The following NSD1 variants were observed in gnomAD, a reference collection of about 807,000 sequenced individuals.
The protein encoded by NSD1 is histone-lysine N-methyltransferase, H3 lysine-36 specific.
A neutral mutation model predicts 242.7 loss-of-function variants in NSD1; 26 were observed. The observed-to-expected ratio is 0.11, with a 90% CI of 0.08 to 0.15. The LOEUF is 0.15. Among genes scored for constraint, NSD1 ranks in the 10% least tolerant of loss-of-function variants. The pLI, the probability that NSD1 is intolerant of heterozygous loss-of-function variation, is 1.00. For synonymous variants in NSD1, 1,106 were observed against 1,178.1 expected, an observed-to-expected ratio of 0.94 and a Z score of 1.25; for missense variants, 2,495 against 3,272.8, an observed-to-expected ratio of 0.76 and a Z score of 5.80.
chr5:177,253,661 C>T (rs1439782069), intron 12 of NSD1, among the ~76,000 whole-genome samples: 1 of 151,552 alleles, frequency 6.6e-6, no homozygotes, highest in Non-Finnish European at 1.5e-5. Context: ...GAGACAGGGT[C>T]TCTCTCTGTC....
chr5:177,160,635 G>T (rs1308924796), intron 2 of NSD1, among the ~76,000 whole-genome samples: 1 of 152,046 alleles, frequency 6.6e-6, no homozygotes, highest in East Asian at 1.9e-4. Flanking sequence ...AATTAAAAGA[G>T]AGTTTATCAA....
intron 2 of NSD1, among the ~76,000 whole-genome samples, chr5:177,144,626 A>G (rs1239821599): frequency 6.6e-6 from 1 of 152,034 alleles, no homozygotes; most frequent in Non-Finnish European, 1.5e-5. Flanking sequence ...GAAATGTTTA[A>G]TTTATTCTTC....
intron 2 of NSD1, among the ~76,000 whole-genome samples, chr5:177,178,457 C>A (rs1009582965): frequency 1.3e-5 from 2 of 152,152 alleles, no homozygotes; most frequent in Non-Finnish European, 2.9e-5. Context: ...AACTCCCGAC[C>A]TTAGGTGATC....
rs535590731 is a variant in NSD1, at chr5:177,154,725, T to C, written c.927+18695T>C. Among the ~76,000 whole-genome samples the C allele has an allele frequency of 7.2e-5, 11 of 152,208 alleles. No homozygotes were observed. In the South Asian group the frequency reaches 2.3e-3, roughly 32 times the overall value. Reference sequence around the variant, plus strand: ...TTATTATTATTTTTGAGACAGAGTCTCCCTCTGTCGCCCCAGCTGGAATGC... The same window carrying C: ...TTATTATTATTTTTGAGACAGAGTCCCCCTCTGTCGCCCCAGCTGGAATGC... On this transcript the variant is annotated intron_variant, in intron 2 of 22. Coordinates refer to ENST00000439151, the MANE Select transcript of NSD1 (RefSeq NM_022455.5).
intron 4 of NSD1, among the ~76,000 whole-genome samples, chr5:177,205,105 T>A (rs1298624072): frequency 6.6e-6 from 1 of 152,188 alleles, no homozygotes; most frequent in Non-Finnish European, 1.5e-5. Context: ...GGCACACTCT[T>A]GGCTCACTGC....
At chr5:177,243,199 T>C (rs1243919070) in intron 8 of NSD1, among the ~76,000 whole-genome samples, 2 of 152,138 alleles carry the variant, frequency 1.3e-5, no homozygotes, top group Non-Finnish European at 2.9e-5. Context: ...TCTTTCTTTC[T>C]TTTTTTGAGA....
chr5:177,205,537 TATATA>T (rs1430325595), intron 4 of NSD1, among the ~76,000 whole-genome samples: 2 of 151,648 alleles, frequency 1.3e-5, no homozygotes, highest in East Asian at 3.9e-4. Flanking sequence ...TGTTAAAATA[TATATA>T]ATATAAAAAT....
At chr5:177,193,843 C>T (rs748925940) in intron 3 of NSD1, among the ~76,000 whole-genome samples, 25 of 152,062 alleles carry the variant, frequency 1.6e-4, no homozygotes, top group Non-Finnish European at 3.2e-4. Flanking sequence ...GGCGCAATTT[C>T]GGCTCACTGC....
chr5:177,210,243 G>A lies in NSD1; in HGVS notation c.1844G>A (p.Cys615Tyr). 6.3e-7 allele frequency: 1 copy of A among 1,598,428 alleles called. No individual in the cohort carries two copies. Among genetic ancestry groups the A allele is most frequent in the Non-Finnish European group, 8.5e-7 (1 of 1,172,554 alleles). The change falls in exon 5 of 23, where the codon TGT becomes TAT. Residue 615 changes from cysteine (C) to tyrosine (Y), a missense_variant. Transcript: ENST00000439151. ...EKNKPQRSLV[C>Y]GSKVKLCYIG... ...AATAAACCCCAACGAAGCCTGGTGT[G>A]TGGTTCAAAAGTGAAGCTCTGCTAT... is the stretch of plus-strand genomic sequence containing the variant.
At position 177,299,477 on chromosome 5, in the gene NSD1, G is replaced by T. The variant is rs1254108510; in HGVS notation, c.*4018G>T. 4.3e-6 allele frequency: 1 copy of T among 233,182 alleles called. No individual in the cohort carries two copies. The highest frequency in any genetic ancestry group is 8.5e-6 in the Non-Finnish European group (1 of 118,074). The allele number at this position is 233,182 out of a possible 1,614,324, so 14.4% of individuals were successfully genotyped here. ...ATAGCCTCCGTCCACGCTGCCTGGA[G>T]CAGGTTGTTAGAGAGCTCTGGTTGT... On this transcript the variant is annotated 3_prime_UTR_variant, in exon 23 of 23. Transcript: ENST00000439151.
In NSD1 at chr5:177,297,303, C is replaced by T. The variant is rs548191038; in HGVS notation, c.*1844C>T. 1.7e-5 allele frequency: 4 copies of T among 231,484 alleles called. No homozygotes were observed. The allele number at this position is 231,484 out of a possible 1,614,324, so 14.3% of individuals were successfully genotyped here. ...TTCCCACATCATCAAAGAGGAAAAG[C>T]TCTTTGTTCAAAAGGAAGAGAAAAC... On this transcript the variant is annotated 3_prime_UTR_variant, in exon 23 of 23. Transcript: ENST00000439151.
chr5:177,231,681 A>G (rs1212704784), intron 5 of NSD1, among the ~76,000 whole-genome samples: 1 of 151,742 alleles, frequency 6.6e-6, no homozygotes, highest in East Asian at 1.9e-4. Context: ...TGGCCTCCCA[A>G]AGTGCTGGGA....
intron 4 of NSD1, among the ~76,000 whole-genome samples, chr5:177,206,299 C>G (rs1351035842): frequency 1.3e-5 from 2 of 151,926 alleles, no homozygotes; most frequent in Non-Finnish European, 2.9e-5. Context: ...TGTGCCCAGC[C>G]CCAATTTTTA....
Position 177,210,076 on chromosome 5 carries a change from A to T in NSD1, c.1677A>T (p.Thr559=). 6.2e-7 allele frequency: 1 copy of T among 1,613,910 alleles called. No individual in the cohort carries two copies. The highest frequency in any genetic ancestry group is 8.5e-7 in the Non-Finnish European group (1 of 1,179,904). Residue 559 remains threonine, a synonymous_variant, in exon 5 of 23, where the codon ACA becomes ACT. Coordinates refer to ENST00000439151, the MANE Select transcript of NSD1 (RefSeq NM_022455.5). The part of the protein sequence containing the change: ...NELSRIANSL[T]GSNTAPGSFL... ...TTTCCAGGATAGCAAATAGCCTCAC[A>T]GGGTCCAACACTGCCCCAGGAAGTT... is the stretch of plus-strand genomic sequence containing the variant.
chr5:177,233,227 A>AT (rs996605067), intron 5 of NSD1, among the ~76,000 whole-genome samples: 14 of 150,728 alleles, frequency 9.3e-5, no homozygotes, highest in South Asian at 2.1e-4. Context: ...ATGCTTGGCT[A>AT]TTTTTTTTTA....
chr5:177,135,845 A>C lies in NSD1; in HGVS notation c.742A>C (p.Asn248His). Reference protein sequence around the residue: ...NKQRNEVDGSNEKAALLPAPF... With the variant: ...NKQRNEVDGSHEKAALLPAPF... ...GCAAAGAAATGAAGTGGACGGCAGCAATGAAAAAGCAGCCCTTCTCCCAGC... is the reference window on the plus strand; with the variant it reads ...GCAAAGAAATGAAGTGGACGGCAGCCATGAAAAAGCAGCCCTTCTCCCAGC... The change falls in exon 2 of 23, where the codon AAT (asparagine) becomes CAT (histidine). Residue 248 changes from asparagine to histidine, a missense_variant. Physicochemically the swap from Asn to His is moderately conservative, Grantham distance 68. Coordinates refer to ENST00000439151, the MANE Select transcript of NSD1 (RefSeq NM_022455.5). The C allele has an allele frequency of 6.2e-7, 1 of 1,605,956 alleles. No homozygotes were observed. The highest frequency in any genetic ancestry group is 8.5e-7 in the Non-Finnish European group (1 of 1,174,192).
At chr5:177,219,690 C>T (rs2149861851) in intron 5 of NSD1, among the ~76,000 whole-genome samples, 1 of 152,232 alleles carries the variant, frequency 6.6e-6, no homozygotes, top group African/African-American at 2.4e-5. Flanking sequence ...TGTGGCTGGG[C>T]ATGGCAGCTT....
chr5:177,268,293 A>C (rs1448660215), intron 15 of NSD1, among the ~76,000 whole-genome samples: 1 of 134,320 alleles, frequency 7.4e-6, no homozygotes, highest in African/African-American at 2.8e-5. Flanking sequence ...TTTTTAAAAT[A>C]TTTTGATTGA....
chr5:177,139,117 G>A (rs948879708), intron 2 of NSD1, among the ~76,000 whole-genome samples: 38 of 152,034 alleles, frequency 2.5e-4, no homozygotes, highest in African/African-American at 8.7e-4. Context: ...TAGGCATGGT[G>A]GCAGGAGCCT....
Sources: gnomAD v4.1 joint callset for allele counts (sites outside exome capture counted in the v4.1 genomes callset) on GRCh38, gnomAD v4.1.1 for gene constraint, MANE v1.5 for transcripts, NCBI Gene and HGNC (gene_info 2026-07-23, HGNC 2026-07-21) for gene names.